Variants in PIK3R5 observed in about 807,000 individuals in gnomAD.
The protein encoded by PIK3R5 is phosphoinositide-3-kinase regulatory subunit 5, also known as phosphoinositide 3-kinase regulatory subunit 5.
In PIK3R5, 32 loss-of-function variants were observed where a neutral mutation model predicts 94.9. That is an observed-to-expected ratio of 0.34 (90% CI 0.25 to 0.45). PIK3R5 has a LOEUF of 0.45. Ranked by LOEUF, PIK3R5 falls within the 20% of genes least tolerant of loss-of-function variation. PIK3R5 has a pLI of 1.00. For synonymous variants in PIK3R5, 443 were observed against 479.4 expected (o/e 0.92, Z 0.99); for missense variants, 853 against 1,144.6 (o/e 0.75, Z 3.68).
In PIK3R5 at chr17:8,879,620, C is replaced by T. The variant is rs965544979; in HGVS notation, c.*1019G>A. Reference sequence around the variant, plus strand: ...TTACCCTGACGAAGGCAATCCTCCTCTGGAATGTCTCTTCCCTCTTCAGTC... The same window carrying T: ...TTACCCTGACGAAGGCAATCCTCCTTTGGAATGTCTCTTCCCTCTTCAGTC... On this transcript the variant is annotated 3_prime_UTR_variant, in exon 19 of 19. Transcript: ENST00000447110. This position sits in a 1 kb window ranked among gnomAD's most constrained non-coding sequence, Gnocchi z 4.4. 10 of 152,364 alleles carry T rather than the reference C, an allele frequency of 6.6e-5. No homozygotes were observed. The highest frequency in any genetic ancestry group is 2.4e-4 in the African/African-American group (10 of 41,562). The allele number at this position is 152,364 out of a possible 1,614,324, so 9.4% of individuals were successfully genotyped here.
chr17:8,920,998 C>T lies in PIK3R5; in HGVS notation c.-13-9491G>A, dbSNP rs147739544. On this transcript the variant is annotated intron_variant, in intron 1 of 18. Transcript: ENST00000447110. ...CTGGGATTACAGGCATGCATCACCA[C>T]GGCTGGCTAATTTTTGTACTTTTAG... 4.7e-3 allele frequency among the ~76,000 whole-genome samples: 709 copies of T among 151,988 alleles called. 6 individuals are homozygous for T. The highest frequency in any genetic ancestry group is 0.016 in the African/African-American group (673 of 41,460).
chr17:8,885,289 G>A (rs1316911963), intron 14 of PIK3R5, among the ~76,000 whole-genome samples: 7 of 142,440 alleles, frequency 4.9e-5, no homozygotes, highest in East Asian at 2.2e-4. Flanking sequence ...AGGCAACCCC[G>A]CCTCCCCATG....
chr17:8,898,924 T>C (rs61759598), intron 5 of PIK3R5, among the ~76,000 whole-genome samples: 3,250 of 152,304 alleles, frequency 0.021, 110 homozygotes, highest in African/African-American at 0.073. Flanking sequence ...GAGAAGAATA[T>C]GACTTTTCCT....
intron 5 of PIK3R5, among the ~76,000 whole-genome samples, chr17:8,902,746 G>A (rs2090314360): frequency 6.6e-6 from 1 of 151,660 alleles, no homozygotes; most frequent in African/African-American, 2.4e-5. Context: ...TTTTTCTTCT[G>A]TAGTTTTTGT....
chr17:8,910,220 A>C (rs1035909426), intron 2 of PIK3R5, among the ~76,000 whole-genome samples: 1 of 152,214 alleles, frequency 6.6e-6, no homozygotes, highest in African/African-American at 2.4e-5. Context: ...GTGGAGCTCA[A>C]GCTCCAGGAC....
intron 1 of PIK3R5, among the ~76,000 whole-genome samples, chr17:8,924,080 C>T (rs1171089647): frequency 1.6e-5 from 2 of 122,074 alleles, no homozygotes; most frequent in African/African-American, 6.2e-5. Context: ...CTTCCCCTTC[C>T]CTTCCCTTTC....
chr17:8,941,854 C>T lies in PIK3R5; in HGVS notation c.-14+23742G>A, dbSNP rs140695713. Among the ~76,000 whole-genome samples, 29 of 152,374 alleles carry T rather than the reference C, an allele frequency of 1.9e-4. No individual in the cohort carries two copies. In the East Asian group the frequency reaches 5.4e-3, roughly 28 times the overall value. On this transcript the variant is annotated intron_variant, in intron 1 of 18. Transcript: ENST00000447110. Reference sequence around the variant, plus strand: ...CTCAATCCTGCCTGCTGCATTAATGCAGGCATCGAGATGCAGGCAGTAGGA... The same window carrying T: ...CTCAATCCTGCCTGCTGCATTAATGTAGGCATCGAGATGCAGGCAGTAGGA...
intron 1 of PIK3R5, among the ~76,000 whole-genome samples, chr17:8,949,671 C>T (rs911407528): frequency 6.6e-6 from 1 of 152,138 alleles, no homozygotes; most frequent in African/African-American, 2.4e-5. Context: ...GAATGGAAAA[C>T]CGAACATCAT....
chr17:8,885,748 A>G (rs868575125), intron 14 of PIK3R5, among the ~76,000 whole-genome samples: 103 of 6,684 alleles, frequency 0.015, 2 homozygotes, highest in Admixed American at 0.029. Flanking sequence ...CCATGGCCCC[A>G]CCTCCTGGGT....
chr17:8,937,240 T>A (rs2091092923), intron 1 of PIK3R5, among the ~76,000 whole-genome samples: 2 of 152,222 alleles, frequency 1.3e-5, no homozygotes, highest in South Asian at 4.1e-4. Flanking sequence ...ACCTTTCATC[T>A]CCTTTTCTTA....
Position 8,893,086 on chromosome 17 carries a change from T to TGTG in PIK3R5, c.482+499_482+500insCAC, listed in dbSNP as rs1567639751. Among the ~76,000 whole-genome samples, 1,343 of 78,946 alleles carry TGTG rather than the reference T, an allele frequency of 0.017. 25 individuals carry two copies. The highest frequency in any genetic ancestry group is 0.1 in the African/African-American group (1,268 of 12,452). The allele number at this position is 78,946 out of a possible 152,430, so 51.8% of individuals were successfully genotyped here. On this transcript the variant is annotated intron_variant, in intron 6 of 18. Coordinates refer to ENST00000447110, the MANE Select transcript of PIK3R5 (RefSeq NM_001142633.3). The surrounding 1 kb of genome is among the most constrained non-coding windows in gnomAD (Gnocchi z 5.1). ...TGTGTGTGTGTGTGTGTGTGTGTGT[T>TGTG]TGTGTATCAGGCTGTCATATAAAAT...
rs1260259872 is a variant in PIK3R5, at chr17:8,880,542, A to G, written c.*97T>C. On this transcript the variant is annotated 3_prime_UTR_variant, in exon 19 of 19. Coordinates refer to ENST00000447110, the MANE Select transcript of PIK3R5 (RefSeq NM_001142633.3). ...ACCCACAGTGGGACTATGGCTCTGC[A>G]CAGGGCCATTCAGTTCTCCACAGAG... is the stretch of plus-strand genomic sequence containing the variant. 4 of 1,244,504 alleles carry G rather than the reference A, an allele frequency of 3.2e-6. No individual in the cohort carries two copies. The African/African-American group carries it at 4.5e-5, about 14-fold the overall frequency. 77.1% of individuals were successfully genotyped at this position (1,244,504 alleles called of 1,614,324 possible).
chr17:8,921,383 T>A (rs1158691544), intron 1 of PIK3R5, among the ~76,000 whole-genome samples: 2 of 152,238 alleles, frequency 1.3e-5, no homozygotes, highest in African/African-American at 4.8e-5. Context: ...AGGTACTTTC[T>A]GAGACTTTAC....
intron 1 of PIK3R5, among the ~76,000 whole-genome samples, chr17:8,931,484 C>A (rs2090986410): frequency 6.6e-6 from 1 of 152,108 alleles, no homozygotes; most frequent in Admixed American, 6.5e-5. Flanking sequence ...AGGGGAGCCT[C>A]TTGATTTCGC....
intron 11 of PIK3R5, 109 bp downstream of exon 11, chr17:8,887,412 G>A: frequency 7.5e-7 from 1 of 1,341,906 alleles, no homozygotes. Context: ...CCAGGCAGGG[G>A]GAGGTGCCCT....
intron 1 of PIK3R5, among the ~76,000 whole-genome samples, chr17:8,912,269 A>G (rs1020402517): frequency 6.6e-6 from 1 of 152,148 alleles, no homozygotes; most frequent in Non-Finnish European, 1.5e-5. Flanking sequence ...TTAGTTATGT[A>G]TGAGGGCTCC....
chr17:8,906,246 C>G (rs962535261), intron 3 of PIK3R5, among the ~76,000 whole-genome samples: 11 of 152,104 alleles, frequency 7.2e-5, no homozygotes, highest in Non-Finnish European at 1.6e-4. Flanking sequence ...TGAGTGAGAA[C>G]ATGCGGTGTT....
intron 1 of PIK3R5, among the ~76,000 whole-genome samples, chr17:8,946,611 G>A (rs888028237): frequency 5.3e-5 from 8 of 152,162 alleles, no homozygotes; most frequent in Admixed American, 2.0e-4. Context: ...GCTTTGCTGC[G>A]TGTTGTGGTA....
chr17:8,941,483 G>A (rs2091178731), intron 1 of PIK3R5, among the ~76,000 whole-genome samples: 1 of 152,064 alleles, frequency 6.6e-6, no homozygotes, highest in Admixed American at 6.5e-5. Flanking sequence ...CAGATGAAAG[G>A]AGTTCAAAAA....
Sources: allele counts gnomAD v4.1 joint callset (sites outside exome capture counted in the v4.1 genomes callset), GRCh38; gene constraint gnomAD v4.1.1; non-coding constraint Gnocchi (gnomAD v3.1); transcripts MANE v1.5; gene names NCBI Gene and HGNC (gene_info 2026-07-23, HGNC 2026-07-21).